Variants in KCNA6 observed in about 807,000 individuals in gnomAD.
The protein encoded by KCNA6 is potassium voltage-gated channel subfamily A member 6.
KCNA6 carries 17 observed loss-of-function variants against 29.5 expected under a neutral mutation model. The ratio of observed to expected loss-of-function variants is 0.58; its 90% CI spans 0.39 to 0.86. KCNA6 has a LOEUF of 0.86. KCNA6 is among the 40% of genes least tolerant of loss of function. The pLI, the probability that KCNA6 is intolerant of heterozygous loss-of-function variation, is 0.00. For synonymous variants in KCNA6, 296 were observed against 304.7 expected (o/e 0.97, Z 0.30); for missense variants, 450 against 703.4 (o/e 0.64, Z 4.07).
the KCNA6 span, among the ~76,000 whole-genome samples, chr12:4,833,753 T>C: frequency 6.6e-6 from 1 of 151,982 alleles, no homozygotes; most frequent in Non-Finnish European, 1.5e-5. Flanking sequence ...GAGGAAAACT[T>C]CCCCAGCTGT....
At chr12:4,831,945 A>G in the KCNA6 span, among the ~76,000 whole-genome samples, 1 of 152,212 alleles carries the variant, frequency 6.6e-6, no homozygotes, top group East Asian at 1.9e-4. Context: ...CTGGTCTCAC[A>G]GAAACATGGT....
chr12:4,835,336 G>T, the KCNA6 span, among the ~76,000 whole-genome samples: 1 of 151,902 alleles, frequency 6.6e-6, no homozygotes, highest in Admixed American at 6.6e-5. Flanking sequence ...GGGTTTCACC[G>T]TGTTAGCCAG....
At chr12:4,814,346 C>T (rs1450855269), downstream of KCNA6, 6 of 167,070 alleles carry the variant, frequency 3.6e-5, no homozygotes. The surrounding 1 kb of genome is among the most constrained non-coding windows in gnomAD (Gnocchi z 4.6). Flanking sequence ...TCTTAGGTAT[C>T]ATGGAGTTCC....
the KCNA6 span, among the ~76,000 whole-genome samples, chr12:4,840,199 C>A: frequency 0.016 from 11 of 696 alleles, no homozygotes; most frequent in South Asian, 0.083. Flanking sequence ...TGATTATTAT[C>A]TATCTATCTA....
Position 4,811,479 on chromosome 12 carries a change from G to C in KCNA6, c.1438G>C (p.Val480Leu). The change falls in exon 1 of 1, where the codon GTC (valine) becomes CTC (leucine). Residue 480 changes from valine to leucine, a missense_variant. By Grantham distance (32) the Val-to-Leu change is conservative. Transcript: ENST00000280684. The surrounding 1 kb of genome is among the most constrained non-coding windows in gnomAD (Gnocchi z 7.1). ...GGAGGAGCAAGGCCAGTATACCCAC[G>C]TCACTTGTGGGCAGCCTGCGCCGGA... 1 of 1,614,166 alleles carries C rather than the reference G, an allele frequency of 6.2e-7. No homozygotes were observed. The highest frequency in any genetic ancestry group is 8.5e-7 in the Non-Finnish European group (1 of 1,180,030).
At chr12:4,837,120 C>T in the KCNA6 span, among the ~76,000 whole-genome samples, 3 of 152,122 alleles carry the variant, frequency 2.0e-5, no homozygotes, top group African/African-American at 7.2e-5. Context: ...CATCAATGGC[C>T]AGTGGTTAAA....
the KCNA6 span, chr12:4,838,833 C>T: frequency 2.0e-5 from 3 of 152,288 alleles, no homozygotes; most frequent in Admixed American, 2.0e-4. Flanking sequence ...CAGTGTCTCT[C>T]CCCTTTTTAT....
chr12:4,838,686 G>T, the KCNA6 span, among the ~76,000 whole-genome samples: 1 of 152,220 alleles, frequency 6.6e-6, no homozygotes, highest in Non-Finnish European at 1.5e-5. Context: ...TTTAACTGCT[G>T]TGGTGGCTAG....
At chr12:4,830,555 C>T in the KCNA6 span, among the ~76,000 whole-genome samples, 1 of 152,230 alleles carries the variant, frequency 6.6e-6, no homozygotes, top group Non-Finnish European at 1.5e-5. Flanking sequence ...AACCCGGTAA[C>T]GGCATCTGCC....
the KCNA6 span, among the ~76,000 whole-genome samples, chr12:4,818,717 C>T: frequency 2.6e-5 from 4 of 151,982 alleles, no homozygotes; most frequent in East Asian, 5.8e-4. Context: ...TGTTATTGGG[C>T]AAGAAGAATG....
the KCNA6 span, among the ~76,000 whole-genome samples, chr12:4,828,657 C>T: frequency 2.6e-5 from 4 of 152,184 alleles, no homozygotes; most frequent in Admixed American, 6.5e-5. Context: ...TGTGTACCAG[C>T]GCATTTAATC....
Position 4,811,510 on chromosome 12 carries a change from G to A in KCNA6, c.1469G>A (p.Arg490Lys), listed in dbSNP as rs148924494. 3.7e-5 allele frequency: 59 copies of A among 1,614,204 alleles called. No homozygotes were observed. In the African/African-American group the frequency reaches 5.3e-4, roughly 15 times the overall value. Residue 490 changes from arginine to lysine, a missense_variant, in exon 1 of 1, where the codon AGG becomes AAG. By Grantham distance (26) the Arg-to-Lys change is conservative. Around this residue, in one of 7 missense-constraint regions of KCNA6, gnomAD observed 56 missense variants for 65.2 expected, o/e 0.86. Coordinates refer to ENST00000280684, the Ensembl canonical transcript of KCNA6. This position sits in a 1 kb window ranked among gnomAD's most constrained non-coding sequence, Gnocchi z 7.1. Reference sequence around the variant, plus strand: ...TGTGGGCAGCCTGCGCCGGACCTGAGGGCAACTGACAACGGACTTGGCAAG... The same window carrying A: ...TGTGGGCAGCCTGCGCCGGACCTGAAGGCAACTGACAACGGACTTGGCAAG...
At chr12:4,833,260 C>G in the KCNA6 span, among the ~76,000 whole-genome samples, 1 of 152,198 alleles carries the variant, frequency 6.6e-6, no homozygotes, top group Admixed American at 6.5e-5. Context: ...AGCTGGGCAG[C>G]TCTTCTGGTC....
the KCNA6 span, among the ~76,000 whole-genome samples, chr12:4,843,180 CT>C: frequency 2.6e-5 from 3 of 117,570 alleles, no homozygotes; most frequent in Non-Finnish European, 5.2e-5. Context: ...TTTAAAAATT[CT>C]TTACTTTTTT....
In KCNA6 at chr12:4,811,272, G is replaced by T; in HGVS notation, c.1231G>T (p.Asp411Tyr). 6.2e-7 allele frequency: 1 copy of T among 1,614,234 alleles called. No homozygotes were observed. Among genetic ancestry groups the T allele is most frequent in the Non-Finnish European group, 8.5e-7 (1 of 1,180,040 alleles). ...CGATTCGCTTTTTCCCAGCATCCCG[G>T]ATGCCTTCTGGTGGGCAGTGGTTAC... The change falls in exon 1 of 1, where the codon GAT becomes TAT. Residue 411 changes from aspartate (D) to tyrosine (Y), a missense_variant. By Grantham distance (160) the Asp-to-Tyr change is radical. This residue lies in a region of KCNA6 where 57 missense variants were observed against 140.3 expected (regional missense o/e 0.41). Transcript: ENST00000280684. The surrounding 1 kb of genome is among the most constrained non-coding windows in gnomAD (Gnocchi z 7.1).
At position 4,811,558 on chromosome 12, in the gene KCNA6, G is replaced by C; in HGVS notation, c.1517G>C (p.Arg506Pro). 1.2e-6 allele frequency: 2 copies of C among 1,614,190 alleles called. No homozygotes were observed. Among genetic ancestry groups the C allele is most frequent in the Non-Finnish European group, 1.7e-6 (2 of 1,180,038 alleles). ...AAGCCTGACTTCCCCGAGGCTAACC[G>C]GGAACGGAGACCCAGCTACCTTCCT... Residue 506 changes from arginine to proline, a missense_variant, in exon 1 of 1, where the codon CGG becomes CCG. Physicochemically the swap from Arg to Pro is moderately radical, Grantham distance 103. Coordinates refer to ENST00000280684, the Ensembl canonical transcript of KCNA6. This position sits in a 1 kb window ranked among gnomAD's most constrained non-coding sequence, Gnocchi z 7.1.
rs3319 is a variant in KCNA6, at chr12:4,812,864, C to G, written c.*1233C>G. 58,073 of 166,984 alleles carry G rather than the reference C, an allele frequency of 0.35. 10,431 individuals are homozygous for G. Among genetic ancestry groups the G allele is most frequent in the South Asian group, 0.54 (2,584 of 4,812 alleles). 10.3% of individuals were successfully genotyped at this position (166,984 alleles called of 1,614,324 possible). On this transcript the variant is annotated 3_prime_UTR_variant, in exon 1 of 1. Transcript: ENST00000280684. ...CACTTGCCTGCTCTGCCCCTTGGAG[C>G]TGCATTTGACCTGCTCTCACTGGTA...
the KCNA6 span, among the ~76,000 whole-genome samples, chr12:4,849,868 C>T: frequency 1.3e-5 from 2 of 152,242 alleles, no homozygotes; most frequent in Non-Finnish European, 2.9e-5. Flanking sequence ...GTTTCACGTG[C>T]AGAAACAGAA....
chr12:4,840,870 TC>T, the KCNA6 span, among the ~76,000 whole-genome samples: 2 of 152,176 alleles, frequency 1.3e-5, no homozygotes, highest in African/African-American at 4.8e-5. Context: ...AGGAAGATTC[TC>T]AATTGTATTA....
Sources: allele counts gnomAD v4.1 joint callset (sites outside exome capture counted in the v4.1 genomes callset), GRCh38; gene constraint gnomAD v4.1.1; regional missense constraint gnomAD v4.1.1; non-coding constraint Gnocchi (gnomAD v3.1); transcripts MANE v1.5; gene names NCBI Gene and HGNC (gene_info 2026-07-23, HGNC 2026-07-21).